Variants in RAB33A observed in about 807,000 individuals in gnomAD.
RAB33A encodes ras-related protein Rab-33A.
Under a neutral mutation model 12.0 loss-of-function variants are expected in RAB33A, and 6 were observed. The observed-to-expected ratio is 0.50, with a 90% CI of 0.27 to 0.99. The LOEUF is 0.99. Among genes scored for constraint, RAB33A ranks in the 50% least tolerant of loss-of-function variants. RAB33A has a pLI of 0.11. For synonymous variants in RAB33A, 70 were observed against 82.4 expected (o/e 0.85, Z 0.81); for missense variants, 109 against 192.0 (o/e 0.57, Z 2.55).
the RAB33A span, among the ~76,000 whole-genome samples, chrX:130,115,306 A>C: frequency 9.0e-6 from 1 of 111,364 alleles, no homozygotes; most frequent in Admixed American, 9.5e-5. Context: ...ACCACCATGG[A>C]CACATACTAG....
the RAB33A span, chrX:130,149,705 G>A: frequency 1.8e-5 from 9 of 502,776 alleles, no homozygotes; most frequent in Non-Finnish European, 2.7e-5. Context: ...CTAAGACAAA[G>A]TTGTTTTCTT....
chrX:130,169,098 C>T (rs1277130075), upstream of RAB33A, among the ~76,000 whole-genome samples: 1 of 108,522 alleles, frequency 9.2e-6, no homozygotes, highest in Admixed American at 9.9e-5. Context: ...GTCCCAGCTA[C>T]TTGGGAGGCT....
upstream of RAB33A, chrX:130,171,864 A>G: frequency 4.9e-6 from 2 of 412,036 alleles, no homozygotes; most frequent in East Asian, 4.1e-5. Context: ...GAGGAGGAGG[A>G]GGGGGGCCCG....
At chrX:130,111,193 G>A in the RAB33A span, among the ~76,000 whole-genome samples, 1 of 107,543 alleles carries the variant, frequency 9.3e-6, no homozygotes, top group South Asian at 3.9e-4. Context: ...CAGAGCCCGC[G>A]TCGTGCGCCG....
chrX:130,156,709 A>C, the RAB33A span: 1 of 889,705 alleles, frequency 1.1e-6, no homozygotes, highest in East Asian at 3.2e-5. Context: ...GCCCACAGAT[A>C]TTCACCGTTA....
At chrX:130,140,864 C>A in the RAB33A span, among the ~76,000 whole-genome samples, 275 of 112,399 alleles carry the variant, frequency 2.4e-3, no homozygotes, top group African/African-American at 7.9e-3. Context: ...TGCCTGTAAT[C>A]CCAACACTTT....
chrX:130,130,848 C>T, the RAB33A span, among the ~76,000 whole-genome samples: 1 of 112,070 alleles, frequency 8.9e-6, no homozygotes, highest in Non-Finnish European at 1.9e-5. Context: ...TTGCTGAGAA[C>T]CACCAGCCTC....
At position 130,174,856 on chromosome X, in the gene RAB33A, A is replaced by G. The variant is rs2031648446; in HGVS notation, c.258+2536A>G. Among the ~76,000 whole-genome samples, 3 of 110,820 alleles carry G rather than the reference A, an allele frequency of 2.7e-5. No homozygotes were observed. In the Admixed American group the frequency reaches 2.9e-4, roughly 11 times the overall value. The stretch of plus-strand genomic sequence containing the variant: ...TAGAGCCACACTGTAATTAATTATC[A>G]AGGCCATCCCTAGGGTATTGAAGCC... On this transcript the variant is annotated intron_variant, in intron 1 of 1. Transcript: ENST00000257017.
At chrX:130,137,125 A>T in the RAB33A span, 2 of 1,211,063 alleles carry the variant, frequency 1.7e-6, no homozygotes, top group Non-Finnish European at 2.2e-6. Context: ...TTCGGGGAGG[A>T]TCTTTCCCAT....
At chrX:130,158,479 T>A in the RAB33A span, among the ~76,000 whole-genome samples, 3 of 110,209 alleles carry the variant, frequency 2.7e-5, no homozygotes, top group Middle Eastern at 4.2e-3. Flanking sequence ...CCAGAGGTTC[T>A]GATTCAATAG....
chrX:130,121,036 T>A, the RAB33A span, among the ~76,000 whole-genome samples: 1 of 112,049 alleles, frequency 8.9e-6, no homozygotes, highest in African/African-American at 3.2e-5. Flanking sequence ...CCCCAAGCCT[T>A]GTCCCGCGCC....
the RAB33A span, chrX:130,147,892 C>A: frequency 3.3e-6 from 4 of 1,211,055 alleles, no homozygotes; most frequent in Non-Finnish European, 4.5e-6. Context: ...AGCAACAGAA[C>A]AGACTGGATG....
the RAB33A span, among the ~76,000 whole-genome samples, chrX:130,125,699 T>C: frequency 2.4e-3 from 272 of 111,525 alleles, no homozygotes; most frequent in African/African-American, 8.3e-3. Context: ...GAGAAGCTGC[T>C]GATTTTCCTT....
chrX:130,158,199 G>T, the RAB33A span, among the ~76,000 whole-genome samples: 43 of 111,503 alleles, frequency 3.9e-4, no homozygotes, highest in Admixed American at 9.5e-4. Flanking sequence ...AGGAGGCGGA[G>T]GTTGCAGTGA....
chrX:130,163,883 C>A, the RAB33A span, among the ~76,000 whole-genome samples: 1 of 109,573 alleles, frequency 9.1e-6, no homozygotes, highest in Admixed American at 9.8e-5. Flanking sequence ...TCGCCGGGCG[C>A]GGTGGCTCAC....
the RAB33A span, chrX:130,137,023 C>A: frequency 8.3e-7 from 1 of 1,210,762 alleles, no homozygotes; most frequent in South Asian, 1.8e-5. Context: ...CGAAGTTTGC[C>A]TTAGGTCACA....
At chrX:130,137,948 G>C in the RAB33A span, 1 of 138,078 alleles carries the variant, frequency 7.2e-6, no homozygotes, top group Non-Finnish European at 1.3e-5. Flanking sequence ...TGTAATCCCA[G>C]CTACTCCAGA....
the RAB33A span, chrX:130,137,220 G>A: frequency 8.3e-7 from 1 of 1,209,966 alleles, no homozygotes; most frequent in Non-Finnish European, 1.1e-6. Context: ...ACAGCAGGAA[G>A]CAAAAGTCAA....
chrX:130,136,818 C>T, the RAB33A span: 23 of 1,058,846 alleles, frequency 2.2e-5, no homozygotes, highest in East Asian at 6.1e-5. Flanking sequence ...GTCTCCTCCA[C>T]GGTAAAACCA....
Sources: gnomAD v4.1 joint callset for allele counts (sites outside exome capture counted in the v4.1 genomes callset) on GRCh38, gnomAD v4.1.1 for gene constraint, MANE v1.5 for transcripts, NCBI Gene and HGNC (gene_info 2026-07-23, HGNC 2026-07-21) for gene names.